Variants in FRMD6 observed in about 807,000 individuals in gnomAD.
FRMD6 encodes the protein FERM domain containing 6, also known as FERM domain-containing protein 6.
A neutral mutation model predicts 73.2 loss-of-function variants in FRMD6; 37 were observed. The observed-to-expected ratio is 0.51, with a 90% CI of 0.39 to 0.66. FRMD6 has a LOEUF of 0.66. Ranked by LOEUF, FRMD6 falls within the 30% of genes least tolerant of loss-of-function variation. The pLI is 0.00. For synonymous variants in FRMD6, 273 were observed against 282.2 expected (o/e 0.97, Z 0.33); for missense variants, 714 against 780.5 (o/e 0.91, Z 1.02).
At chr14:51,516,828 C>A (rs899115409) in intron 1 of FRMD6, among the ~76,000 whole-genome samples, 4 of 152,112 alleles carry the variant, frequency 2.6e-5, no homozygotes, top group Admixed American at 2.6e-4. Flanking sequence ...GATGTCGAGT[C>A]CCTGGGCAAA....
upstream of FRMD6, among the ~76,000 whole-genome samples, chr14:51,647,071 A>T (rs960023181): frequency 3.3e-5 from 5 of 152,196 alleles, no homozygotes; most frequent in African/African-American, 9.7e-5. Flanking sequence ...AATAGAATGG[A>T]AACAAAGTAG....
intron 1 of FRMD6, among the ~76,000 whole-genome samples, chr14:51,525,357 C>G (rs576072372): frequency 6.6e-6 from 1 of 152,088 alleles, no homozygotes; most frequent in African/African-American, 2.4e-5. Context: ...CAACCTCCCC[C>G]TCCCGGGTTC....
the FRMD6 span, among the ~76,000 whole-genome samples, chr14:51,477,388 C>T: frequency 1.3e-5 from 2 of 152,024 alleles, no homozygotes; most frequent in African/African-American, 2.4e-5. Flanking sequence ...TACAAGAAGA[C>T]AGAAAATACA....
the FRMD6 span, among the ~76,000 whole-genome samples, chr14:51,426,588 T>C: frequency 6.6e-6 from 1 of 152,222 alleles, no homozygotes; most frequent in African/African-American, 2.4e-5. Context: ...ACTTAATAAA[T>C]ATTTGCTGAA....
intron 5 of FRMD6, 110 bp from the exon 6 acceptor site, chr14:51,704,639 A>C: frequency 1.2e-6 from 1 of 834,552 alleles, no homozygotes; most frequent in Non-Finnish European, 1.8e-6. Context: ...AGGGAGGAGC[A>C]GAAACAGAAG....
chr14:51,530,311 T>C (rs909912578), intron 1 of FRMD6, among the ~76,000 whole-genome samples: 3 of 152,174 alleles, frequency 2.0e-5, no homozygotes, highest in Non-Finnish European at 2.9e-5. Flanking sequence ...GGGGCCATGT[T>C]TGGAGTATTT....
chr14:51,657,579 A>G (rs1892925184), intron 1 of FRMD6, among the ~76,000 whole-genome samples: 1 of 152,170 alleles, frequency 6.6e-6, no homozygotes, highest in South Asian at 2.1e-4. Context: ...GAATATGCCC[A>G]GTTTCTTTAT....
chr14:51,570,965 T>C (rs1329542301), intron 2 of FRMD6, among the ~76,000 whole-genome samples: 1 of 152,236 alleles, frequency 6.6e-6, no homozygotes, highest in Non-Finnish European at 1.5e-5. Context: ...AATTGTCAAC[T>C]AATGAAATGA....
rs536840148 is a variant in FRMD6 at position 51,494,021 on chromosome 14, T to C, written c.-210+4601T>C. On this transcript the variant is annotated intron_variant, in intron 1 of 14. Coordinates refer to the FRMD6 transcript ENST00000356218. Reference sequence around the variant, plus strand: ...GGAAGGTGCTAGCTAGTGGGGGTTCTTTTTAAATAAGGGCACTAATCCCAA... The same window carrying C: ...GGAAGGTGCTAGCTAGTGGGGGTTCCTTTTAAATAAGGGCACTAATCCCAA... Among the ~76,000 whole-genome samples the C allele has an allele frequency of 5.3e-5, 8 of 152,324 alleles. No homozygotes were observed. The East Asian group carries it at 1.5e-3, about 29-fold the overall frequency.
chr14:51,556,049 GGGCTAAGTATTGAT>G (rs1887112195), intron 1 of FRMD6, among the ~76,000 whole-genome samples: 1 of 152,158 alleles, frequency 6.6e-6, no homozygotes, highest in African/African-American at 2.4e-5. Flanking sequence ...TTCAAAACTA[GGGCTAAGTATTGAT>G]GGCCTTTGTG....
chr14:51,560,940 T>C (rs1469687506), intron 1 of FRMD6, among the ~76,000 whole-genome samples: 3 of 152,232 alleles, frequency 2.0e-5, no homozygotes, highest in Non-Finnish European at 4.4e-5. Flanking sequence ...ATCTGATGTT[T>C]GCATTTTATT....
intron 2 of FRMD6, among the ~76,000 whole-genome samples, chr14:51,588,754 G>A (rs1889201185): frequency 6.6e-6 from 1 of 152,158 alleles, no homozygotes; most frequent in African/African-American, 2.4e-5. Flanking sequence ...AAACTGTAAA[G>A]CATTAAATCA....
chr14:51,693,519 C>T (rs186173647), intron 2 of FRMD6, among the ~76,000 whole-genome samples: 6 of 152,218 alleles, frequency 3.9e-5, no homozygotes, highest in African/African-American at 1.4e-4. Flanking sequence ...TGTTTTGTTG[C>T]TTTGGTTTCC....
At chr14:51,427,911 C>T in the FRMD6 span, among the ~76,000 whole-genome samples, 14 of 152,278 alleles carry the variant, frequency 9.2e-5, no homozygotes, top group South Asian at 8.3e-4. Flanking sequence ...CAGCAAACAA[C>T]GGATGTACAA....
the FRMD6 span, among the ~76,000 whole-genome samples, chr14:51,421,064 C>T: frequency 6.6e-6 from 1 of 152,196 alleles, no homozygotes; most frequent in Non-Finnish European, 1.5e-5. Flanking sequence ...ACGTGAGCCA[C>T]TGTGCCGGCT....
the FRMD6 span, among the ~76,000 whole-genome samples, chr14:51,419,451 TG>T: frequency 1.6e-4 from 25 of 152,310 alleles, no homozygotes; most frequent in African/African-American, 6.0e-4. Flanking sequence ...CCAGCTGCCA[TG>T]GTCAAATTTT....
At chr14:51,509,467 C>T (rs965678161) in intron 1 of FRMD6, among the ~76,000 whole-genome samples, 2 of 151,416 alleles carry the variant, frequency 1.3e-5, no homozygotes, top group Non-Finnish European at 1.5e-5. Context: ...GCGGAGCTTG[C>T]AGTGAGCGGA....
chr14:51,657,390 C>T (rs12882828), intron 1 of FRMD6, among the ~76,000 whole-genome samples: 16,556 of 152,162 alleles, frequency 0.11, 1,209 homozygotes, highest in Non-Finnish European at 0.17. Flanking sequence ...CATCTTTGCC[C>T]CCAGGATAAC....
chr14:51,591,633 T>TCTGGGTTCAAGCAATTCTCCTGCCTC, intron 2 of FRMD6, among the ~76,000 whole-genome samples: 1 of 152,246 alleles, frequency 6.6e-6, no homozygotes, highest in East Asian at 1.9e-4. Flanking sequence ...ACCTCTGCCT[T>TCTGGGTTCAAGCAATTCTCCTGCCTC]CTGGGTTCAA....
Sources: gnomAD v4.1 joint callset for allele counts (sites outside exome capture counted in the v4.1 genomes callset) on GRCh38, gnomAD v4.1.1 for gene constraint, MANE v1.5 for transcripts, NCBI Gene and HGNC (gene_info 2026-07-23, HGNC 2026-07-21) for gene names.